The following EFCAB11 variants were observed in gnomAD, a reference collection of about 807,000 sequenced individuals.
EFCAB11 encodes the protein EF-hand calcium-binding domain-containing protein 11.
Under a neutral mutation model 23.0 loss-of-function variants are expected in EFCAB11, and 14 were observed. That is an observed-to-expected ratio of 0.61 (90% CI 0.40 to 0.95). The LOEUF (loss-of-function observed/expected upper bound fraction) is 0.95, where lower values mean the gene tolerates loss of function less well. EFCAB11 is among the 40% of genes least tolerant of loss of function. The pLI is 0.00. For synonymous variants in EFCAB11, 65 were observed against 66.6 expected (o/e 0.98, Z 0.11); for missense variants, 198 against 195.8 (o/e 1.01, Z -0.07).
At position 89,941,337 on chromosome 14, in the gene EFCAB11, C is replaced by T. The variant is rs144772820; in HGVS notation, c.218-8710G>A. Among the ~76,000 whole-genome samples, 332 of 152,262 alleles carry T rather than the reference C, an allele frequency of 2.2e-3. 3 individuals carry two copies. The highest frequency in any genetic ancestry group is 7.7e-3 in the African/African-American group (318 of 41,564). On this transcript the variant is annotated intron_variant, in intron 3 of 5. Transcript: ENST00000316738. ...CGTGTATTGATTCTACTCCTGACTT[C>T]AACTCATTGATTCATAAAGTTCCTT...
chr14:89,921,152 T>C (rs936854662), intron 5 of EFCAB11, among the ~76,000 whole-genome samples: 1 of 150,664 alleles, frequency 6.6e-6, no homozygotes, highest in Non-Finnish European at 1.5e-5. Context: ...GATATGTGGA[T>C]GGGGTAGTGG....
chr14:89,893,278 A>T (rs1236548914), intron 5 of EFCAB11, among the ~76,000 whole-genome samples: 1 of 152,084 alleles, frequency 6.6e-6, no homozygotes, highest in East Asian at 1.9e-4. Context: ...TGATTCTGGG[A>T]ATGGGATTAA....
chr14:89,822,649 G>A (rs1886563747), intron 5 of EFCAB11, among the ~76,000 whole-genome samples: 1 of 152,184 alleles, frequency 6.6e-6, no homozygotes, highest in Admixed American at 6.5e-5. Flanking sequence ...CAGAGTGTGA[G>A]AATCCAAACC....
intron 5 of EFCAB11, among the ~76,000 whole-genome samples, chr14:89,902,155 C>T (rs1263582465): frequency 1.3e-5 from 2 of 152,044 alleles, no homozygotes; most frequent in African/African-American, 2.4e-5. Context: ...TTTCTCAGTC[C>T]CTCTAGGCTT....
intron 5 of EFCAB11, among the ~76,000 whole-genome samples, chr14:89,817,865 G>A (rs925717766): frequency 1.1e-4 from 16 of 152,040 alleles, no homozygotes; most frequent in Non-Finnish European, 2.4e-4. Context: ...GTTGTGGAAG[G>A]TGCCTGGAGT....
intron 3 of EFCAB11, 149 bp downstream of exon 3, chr14:89,949,948 C>A (rs572805416): frequency 1.1e-5 from 9 of 823,184 alleles, no homozygotes; most frequent in East Asian, 9.8e-5. Flanking sequence ...GAACAACATG[C>A]GAAAAACCCG....
In EFCAB11 at chr14:89,912,811, T is replaced by C. The variant is rs201606537; in HGVS notation, c.410+18730A>G. ...GGCATCACCAGGACTGGAATGACAC[T>C]GCTCTGTGTACTCGATTTCCATGGC... On this transcript the variant is annotated intron_variant, in intron 5 of 5. Transcript: ENST00000316738. 1.6e-4 allele frequency among the ~76,000 whole-genome samples: 24 copies of C among 152,336 alleles called. No homozygotes were observed. The East Asian group carries it at 4.0e-3, about 26-fold the overall frequency.
intron 5 of EFCAB11, among the ~76,000 whole-genome samples, chr14:89,910,321 G>C (rs976804026): frequency 6.6e-6 from 1 of 152,140 alleles, no homozygotes; most frequent in Non-Finnish European, 1.5e-5. Context: ...CTAGTGACCG[G>C]GTGCAGTGGC....
chr14:89,899,056 G>C (rs1181181133), intron 5 of EFCAB11, among the ~76,000 whole-genome samples: 1 of 152,070 alleles, frequency 6.6e-6, no homozygotes, highest in Admixed American at 6.5e-5. Context: ...CAAACTCTAC[G>C]GAGAGAATGA....
At chr14:89,872,692 T>C (rs1237455740) in intron 5 of EFCAB11, among the ~76,000 whole-genome samples, 2 of 152,010 alleles carry the variant, frequency 1.3e-5, no homozygotes, top group Non-Finnish European at 2.9e-5. Flanking sequence ...TAATTAGAGA[T>C]AGGGTTGTTA....
At chr14:89,836,692 A>G (rs1208825782) in intron 5 of EFCAB11, 1 of 456,464 alleles carries the variant, frequency 2.2e-6, no homozygotes, top group African/African-American at 2.0e-5. Flanking sequence ...AACAGATTTT[A>G]TTTAATAGTT....
intron 5 of EFCAB11, among the ~76,000 whole-genome samples, chr14:89,917,864 T>G (rs1376577576): frequency 6.6e-6 from 1 of 152,206 alleles, no homozygotes; most frequent in Non-Finnish European, 1.5e-5. Context: ...GGAGAGTCAC[T>G]GTAAGGACTA....
rs561222795 is a variant in EFCAB11, at chr14:89,915,086, C to T, written c.410+16455G>A. On this transcript the variant is annotated intron_variant, in intron 5 of 5. Transcript: ENST00000316738. ...GTCAATATTTTTAAAGACCTAAATT[C>T]GACAATAAATATAGCCAGGAACATC... Among the ~76,000 whole-genome samples, 10 of 152,188 alleles carry T rather than the reference C, an allele frequency of 6.6e-5. No homozygotes were observed. The South Asian group carries it at 2.1e-3, about 32-fold the overall frequency.
At chr14:89,847,291 G>A (rs1200585557) in intron 5 of EFCAB11, among the ~76,000 whole-genome samples, 2 of 152,120 alleles carry the variant, frequency 1.3e-5, no homozygotes, top group African/African-American at 4.8e-5. Context: ...GTGTTGCCCA[G>A]AGTTGCATCC....
chr14:89,913,264 A>G (rs1010862134), intron 5 of EFCAB11, among the ~76,000 whole-genome samples: 1 of 152,206 alleles, frequency 6.6e-6, no homozygotes, highest in Non-Finnish European at 1.5e-5. Flanking sequence ...TCATTTTGGT[A>G]ACAGGGCGGA....
rs539868396 is a variant in EFCAB11 at position 89,821,117 on chromosome 14, C to T, written c.411-23793G>A. ...GCTTGAGCAATCCTCCTGCCTTGGC[C>T]TCCCAAAGTGCTGGGATTACACCTG... On this transcript the variant is annotated intron_variant, in intron 5 of 5. Coordinates refer to ENST00000316738, the MANE Select transcript of EFCAB11 (RefSeq NM_145231.4). 5.9e-5 allele frequency among the ~76,000 whole-genome samples: 9 copies of T among 152,182 alleles called. No homozygotes were observed. In the South Asian group the frequency reaches 1.5e-3, roughly 25 times the overall value.
intron 5 of EFCAB11, among the ~76,000 whole-genome samples, chr14:89,824,758 TAATAAGAGAC>T (rs1886635272): frequency 6.6e-6 from 1 of 152,050 alleles, no homozygotes; most frequent in African/African-American, 2.4e-5. Flanking sequence ...CTGGTGGAGA[TAATAAGAGAC>T]ATTTCATAAT....
chr14:89,820,596 G>A (rs1489186647), intron 5 of EFCAB11, among the ~76,000 whole-genome samples: 3 of 151,370 alleles, frequency 2.0e-5, no homozygotes, highest in Non-Finnish European at 4.4e-5. Flanking sequence ...ACTCCCACTC[G>A]GCCCACATAA....
At chr14:89,836,447 G>A in intron 5 of EFCAB11, 2 of 409,908 alleles carry the variant, frequency 4.9e-6, no homozygotes, top group Non-Finnish European at 9.8e-6. Flanking sequence ...CTTCCTGAGG[G>A]TCTGCCCAGA....
Sources: gnomAD v4.1 joint callset for allele counts (sites outside exome capture counted in the v4.1 genomes callset) on GRCh38, gnomAD v4.1.1 for gene constraint, MANE v1.5 for transcripts, NCBI Gene and HGNC (gene_info 2026-07-23, HGNC 2026-07-21) for gene names.